Variants in HEXB observed in about 807,000 individuals in gnomAD.
The protein encoded by HEXB is beta-hexosaminidase subunit beta.
In HEXB, 51 loss-of-function variants were observed where a neutral mutation model predicts 71.2. The ratio of observed to expected loss-of-function variants is 0.72; its 90% CI spans 0.57 to 0.90. HEXB has a LOEUF of 0.90. Among genes scored for constraint, HEXB ranks in the 40% least tolerant of loss-of-function variants. The pLI is 0.00. For missense variants in HEXB, 617 were observed against 677.0 expected, an observed-to-expected ratio of 0.91 and a Z score of 0.98; for synonymous variants, 266 against 249.3, an observed-to-expected ratio of 1.07 and a Z score of -0.63.
chr5:74,668,957 T>A (rs1748484636), intron 1 of HEXB, among the ~76,000 whole-genome samples: 1 of 152,198 alleles, frequency 6.6e-6, no homozygotes, highest in Non-Finnish European at 1.5e-5. Flanking sequence ...CGGGCATTTT[T>A]TTCTTTTCTT....
In HEXB at chr5:74,706,671, C is replaced by T. The variant is rs544227695; in HGVS notation, c.771+1351C>T. Among the ~76,000 whole-genome samples, 11 of 152,296 alleles carry T rather than the reference C, an allele frequency of 7.2e-5. No homozygotes were observed. The East Asian group carries it at 1.5e-3, about 21-fold the overall frequency. ...CCTGCACCTGGCTCGGAGGGTCCTA[C>T]GTGCACGGAGTCTCGCTGATTGCTA... On this transcript the variant is annotated intron_variant, in intron 6 of 13. Transcript: ENST00000261416.
At chr5:74,658,743 C>G (rs1421476893) in intron 1 of HEXB, among the ~76,000 whole-genome samples, 1 of 152,126 alleles carries the variant, frequency 6.6e-6, no homozygotes, top group Non-Finnish European at 1.5e-5. Flanking sequence ...CCCTATGCAT[C>G]TCTTCCTTTG....
At chr5:74,710,380 G>C (rs965452189) in intron 6 of HEXB, among the ~76,000 whole-genome samples, 23 of 152,326 alleles carry the variant, frequency 1.5e-4, no homozygotes, top group African/African-American at 5.5e-4. Flanking sequence ...CCTGGCACAA[G>C]ACAGGGATGC....
chr5:74,650,485 A>G (rs924630463), intron 1 of HEXB, among the ~76,000 whole-genome samples: 3 of 152,300 alleles, frequency 2.0e-5, no homozygotes, highest in African/African-American at 7.2e-5. Context: ...AGAAAATAGC[A>G]ACTGTTTCAT....
chr5:74,662,520 C>G (rs1187471429), intron 1 of HEXB, among the ~76,000 whole-genome samples: 1 of 152,036 alleles, frequency 6.6e-6, no homozygotes, highest in African/African-American at 2.4e-5. Flanking sequence ...TTTTCTATAT[C>G]TCAGGTGAAT....
At chr5:74,696,621 T>C in intron 3 of HEXB, 72 bp from the exon 4 acceptor site, 1 of 829,576 alleles carries the variant, frequency 1.2e-6, no homozygotes, top group Non-Finnish European at 2.1e-6. Flanking sequence ...ATGAGTCTGT[T>C]TGAATAATAT....
chr5:74,716,012 A>G (rs1579952464), intron 8 of HEXB, among the ~76,000 whole-genome samples: 1 of 91,026 alleles, frequency 1.1e-5, no homozygotes, highest in African/African-American at 5.8e-5. Flanking sequence ...GTGAGACTCC[A>G]TCTCAAAAAA....
At chr5:74,669,881 G>A (rs537757940) in intron 1 of HEXB, among the ~76,000 whole-genome samples, 13 of 152,306 alleles carry the variant, frequency 8.5e-5, no homozygotes, top group Non-Finnish European at 1.5e-4. Context: ...GGTAGTGGGC[G>A]ATGCAGAGAC....
At chr5:74,681,767 C>T (rs139266968), upstream of HEXB, among the ~76,000 whole-genome samples, 434 of 152,278 alleles carry the variant, frequency 2.9e-3, 5 homozygotes, top group African/African-American at 9.6e-3. Context: ...TCATTCCCAC[C>T]GATAATTTAT....
intron 3 of HEXB, among the ~76,000 whole-genome samples, chr5:74,694,741 G>A (rs775279587): frequency 6.6e-6 from 1 of 152,066 alleles, no homozygotes; most frequent in African/African-American, 2.4e-5. Context: ...GAGGCAGGCA[G>A]ATCACTTGAG....
intron 1 of HEXB, among the ~76,000 whole-genome samples, chr5:74,658,637 G>T (rs1748263946): frequency 6.6e-6 from 1 of 152,138 alleles, no homozygotes; most frequent in African/African-American, 2.4e-5. Flanking sequence ...TCCCTGGGTG[G>T]TAATATCCCT....
chr5:74,663,092 A>C (rs1405833656), intron 1 of HEXB, among the ~76,000 whole-genome samples: 1 of 152,242 alleles, frequency 6.6e-6, no homozygotes, highest in Non-Finnish European at 1.5e-5. Flanking sequence ...TTTAGAACTC[A>C]GTAAACGAAG....
At chr5:74,705,389 A>C (rs1749362734) in intron 6 of HEXB, 69 bp downstream of exon 6, 3 of 896,360 alleles carry the variant, frequency 3.3e-6, no homozygotes, top group Non-Finnish European at 3.8e-6. Context: ...TTTGTAGCTT[A>C]AATGTTTGTT....
At chr5:74,650,945 A>T (rs933921492) in intron 1 of HEXB, among the ~76,000 whole-genome samples, 21 of 139,578 alleles carry the variant, frequency 1.5e-4, no homozygotes, top group East Asian at 6.1e-4. Context: ...AAAAAAAAAA[A>T]AGGCAACTGC....
chr5:74,693,138 A>T (rs1749039122), intron 2 of HEXB, among the ~76,000 whole-genome samples: 1 of 152,312 alleles, frequency 6.6e-6, no homozygotes, highest in Admixed American at 6.5e-5. Context: ...CTGAATGCAA[A>T]AGAGTGGAGA....
intron 11 of HEXB, 163 bp from the exon 12 acceptor site, chr5:74,720,265 C>CCA: frequency 3.0e-6 from 2 of 656,510 alleles, no homozygotes; most frequent in Non-Finnish European, 5.5e-6. Flanking sequence ...AGAGGAGGGG[C>CCA]CATCTTTTTT....
At chr5:74,714,249 T>C (rs1749622247) in intron 7 of HEXB, among the ~76,000 whole-genome samples, 1 of 152,262 alleles carries the variant, frequency 6.6e-6, no homozygotes, top group African/African-American at 2.4e-5. Flanking sequence ...TCAGTAATAC[T>C]ATTGACAGAT....
intron 12 of HEXB, 23 bp from the exon 13 acceptor site, chr5:74,720,620 G>A (rs760423759): frequency 1.2e-6 from 2 of 1,606,520 alleles, no homozygotes; most frequent in East Asian, 2.2e-5. Context: ...TGCTTGCGGG[G>A]GGATGTGTGA....
intron 5 of HEXB, among the ~76,000 whole-genome samples, chr5:74,699,169 G>A (rs1485270917): frequency 6.6e-6 from 1 of 152,030 alleles, no homozygotes; most frequent in Non-Finnish European, 1.5e-5. Flanking sequence ...GGGCAACAGA[G>A]CAAGACTCCA....
Sources: gnomAD v4.1 joint callset for allele counts (sites outside exome capture counted in the v4.1 genomes callset) on GRCh38, gnomAD v4.1.1 for gene constraint, MANE v1.5 for transcripts, NCBI Gene and HGNC (gene_info 2026-07-23, HGNC 2026-07-21) for gene names.